The following TXNDC16 variants were observed in gnomAD, a reference collection of about 807,000 sequenced individuals.
TXNDC16 encodes the protein thioredoxin domain containing 16, also known as thioredoxin domain-containing protein 16.
TXNDC16 carries 74 observed loss-of-function variants against 85.6 expected under a neutral mutation model. The observed-to-expected ratio is 0.86, with a 90% CI of 0.72 to 1.05. The LOEUF (loss-of-function observed/expected upper bound fraction) is 1.05, where lower values mean the gene tolerates loss of function less well. Ranked by LOEUF, TXNDC16 falls within the 50% of genes least tolerant of loss-of-function variation. The probability of loss-of-function intolerance (pLI) is 0.00; values close to 1 mark genes in which losing one functional copy is unlikely to be tolerated. For synonymous variants in TXNDC16, 335 were observed against 326.5 expected (o/e 1.03, Z -0.28); for missense variants, 959 against 947.0 (o/e 1.01, Z -0.17).
At chr14:52,484,799 T>C (rs1256157380) in intron 12 of TXNDC16, among the ~76,000 whole-genome samples, 1 of 152,022 alleles carries the variant, frequency 6.6e-6, no homozygotes, top group Non-Finnish European at 1.5e-5. Flanking sequence ...AACAATCACT[T>C]GAACCCAGGA....
At chr14:52,551,311 C>CA (rs200262401) in intron 1 of TXNDC16, among the ~76,000 whole-genome samples, 422 of 139,504 alleles carry the variant, frequency 3.0e-3, no homozygotes, top group African/African-American at 8.3e-3. Flanking sequence ...TCGTCTCTAC[C>CA]AAAAAAAAAA....
chr14:52,490,635 C>T (rs75943755), intron 10 of TXNDC16, among the ~76,000 whole-genome samples, 184 bp from the exon 11 acceptor site: 7,499 of 152,170 alleles, frequency 0.049, 237 homozygotes, highest in Middle Eastern at 0.075. Context: ...TCTTAATCTC[C>T]ATCTTTATTT....
At position 52,530,454 on chromosome 14, in the gene TXNDC16, A is replaced by ATAATAAT. The variant is rs1433815522; in HGVS notation, c.392+6264_392+6265insATTATTA. Among the ~76,000 whole-genome samples the ATAATAAT allele has an allele frequency of 1.5e-3, 13 of 8,816 alleles. 1 individual carries two copies. Among genetic ancestry groups the ATAATAAT allele is most frequent in the African/African-American group, 3.7e-3 (4 of 1,074 alleles). The allele number at this position is 8,816 out of a possible 152,430, so 5.8% of individuals were successfully genotyped here. Reference sequence around the variant, plus strand: ...AATAATATATAATATATTATTATATAATAATATATATTATATATTATTATA... The same window carrying ATAATAAT: ...AATAATATATAATATATTATTATATATAATAATATAATATATATTATATATTATTATA... On this transcript the variant is annotated intron_variant, in intron 6 of 20. Transcript: ENST00000281741.
At chr14:52,485,999 A>C (rs924446547) in intron 12 of TXNDC16, among the ~76,000 whole-genome samples, 10 of 152,168 alleles carry the variant, frequency 6.6e-5, no homozygotes, top group Non-Finnish European at 7.3e-5. Context: ...TGAGAGTTGC[A>C]CTATATAACT....
chr14:52,465,457 T>C (rs1257092531), intron 16 of TXNDC16, among the ~76,000 whole-genome samples: 1 of 151,896 alleles, frequency 6.6e-6, no homozygotes, highest in African/African-American at 2.4e-5. Context: ...CCGGGCTTGG[T>C]GGCGGGCGCC....
intron 1 of TXNDC16, among the ~76,000 whole-genome samples, chr14:52,544,617 A>ATGTATGAAATGTATGAAAATC (rs979171913): frequency 6.6e-6 from 1 of 152,102 alleles, no homozygotes; most frequent in Non-Finnish European, 1.5e-5. Flanking sequence ...AATGTATGAA[A>ATGTATGAAATGTATGAAAATC]AATCATATTA....
At chr14:52,545,482 C>T (rs1463473196) in intron 1 of TXNDC16, among the ~76,000 whole-genome samples, 3 of 151,964 alleles carry the variant, frequency 2.0e-5, no homozygotes, top group South Asian at 2.1e-4. Context: ...GAATACCGCA[C>T]GGGTCAGCTA....
At chr14:52,445,745 A>G (rs2035266795) in intron 18 of TXNDC16, among the ~76,000 whole-genome samples, 1 of 152,256 alleles carries the variant, frequency 6.6e-6, no homozygotes, top group South Asian at 2.1e-4. Context: ...AGTATTTAGT[A>G]AAGTAACATG....
chr14:52,476,792 G>C (rs905856104), intron 14 of TXNDC16, among the ~76,000 whole-genome samples: 1 of 152,118 alleles, frequency 6.6e-6, no homozygotes, highest in South Asian at 2.1e-4. Flanking sequence ...TCTTGCTAGA[G>C]AACTAGGCAT....
At chr14:52,529,291 C>T (rs1321741455) in intron 6 of TXNDC16, among the ~76,000 whole-genome samples, 1 of 143,686 alleles carries the variant, frequency 7.0e-6, no homozygotes, top group Non-Finnish European at 1.5e-5. Context: ...AACATATGGA[C>T]ACAGGAAGGG....
chr14:52,475,617 C>T (rs1209931857), intron 14 of TXNDC16, among the ~76,000 whole-genome samples: 1 of 152,116 alleles, frequency 6.6e-6, no homozygotes, highest in Non-Finnish European at 1.5e-5. Flanking sequence ...GAACATAACT[C>T]CATTGACCTG....
At chr14:52,524,065 C>G (rs1469969591) in intron 6 of TXNDC16, among the ~76,000 whole-genome samples, 1 of 152,218 alleles carries the variant, frequency 6.6e-6, no homozygotes, top group Non-Finnish European at 1.5e-5. Flanking sequence ...ACCCACCTGA[C>G]AATATTGTGT....
intron 8 of TXNDC16, 69 bp from the exon 9 acceptor site, chr14:52,511,459 A>G: frequency 9.5e-7 from 1 of 1,057,880 alleles, no homozygotes; most frequent in Non-Finnish European, 1.3e-6. Context: ...AATAAGCTGT[A>G]ACAATGAATT....
intron 9 of TXNDC16, among the ~76,000 whole-genome samples, chr14:52,503,473 G>A (rs1234540680): frequency 6.6e-6 from 1 of 152,204 alleles, no homozygotes; most frequent in African/African-American, 2.4e-5. Context: ...GGTCTGGAGT[G>A]GACCTCCAGC....
rs2035145182 is a variant in TXNDC16, at chr14:52,440,706, T to G, written c.1861A>C (p.Asn621His). 1 of 1,606,076 alleles carries G rather than the reference T, an allele frequency of 6.2e-7. No homozygotes were observed. The highest frequency in any genetic ancestry group is 1.7e-5 in the Admixed American group (1 of 57,980). The change falls in exon 19 of 21, where the codon AAT becomes CAT. Residue 621 changes from asparagine (N) to histidine (H), a missense_variant. By Grantham distance (68) the Asn-to-His change is moderately conservative. Transcript: ENST00000281741. Reference protein sequence around the residue: ...LEMFPEITVENLPSYFRLQKP... With the variant: ...LEMFPEITVEHLPSYFRLQKP... The stretch of plus-strand genomic sequence containing the variant: ...TGAAGTCTGAAATAACTGGGAAGAT[T>G]TTCCACAGTGATTTCCGGCTGTCAA...
chr14:52,472,546 T>C (rs1016100561), intron 14 of TXNDC16, among the ~76,000 whole-genome samples: 1 of 152,212 alleles, frequency 6.6e-6, no homozygotes, highest in African/African-American at 2.4e-5. Flanking sequence ...CAATGTCTGT[T>C]ACACAGTATG....
chr14:52,498,458 A>T (rs1186668696), intron 9 of TXNDC16, among the ~76,000 whole-genome samples: 2 of 152,018 alleles, frequency 1.3e-5, no homozygotes, highest in Non-Finnish European at 1.5e-5. Flanking sequence ...CCAGAAAACC[A>T]TAAGAACCAT....
chr14:52,519,643 T>C (rs2037164877), intron 6 of TXNDC16, among the ~76,000 whole-genome samples: 1 of 152,214 alleles, frequency 6.6e-6, no homozygotes. Flanking sequence ...ACAGCAGGCT[T>C]CTTTGCATGG....
chr14:52,527,151 C>T (rs543742854), intron 6 of TXNDC16, among the ~76,000 whole-genome samples: 3 of 152,306 alleles, frequency 2.0e-5, no homozygotes, highest in Non-Finnish European at 2.9e-5. Flanking sequence ...CCAAGCCCAA[C>T]GAGGGGCTTG....
Sources: gnomAD v4.1 joint callset for allele counts (sites outside exome capture counted in the v4.1 genomes callset) on GRCh38, gnomAD v4.1.1 for gene constraint, MANE v1.5 for transcripts, NCBI Gene and HGNC (gene_info 2026-07-23, HGNC 2026-07-21) for gene names.